The following TAF1B variants were observed in gnomAD, a reference collection of about 807,000 sequenced individuals.
The protein encoded by TAF1B is TATA box-binding protein-associated factor RNA polymerase I subunit B.
TAF1B carries 61 observed loss-of-function variants against 83.9 expected under a neutral mutation model. That is an observed-to-expected ratio of 0.73 (90% CI 0.59 to 0.90). TAF1B has a LOEUF of 0.90. TAF1B is among the 40% of genes least tolerant of loss of function. The pLI, the probability that TAF1B is intolerant of heterozygous loss-of-function variation, is 0.00. For missense variants in TAF1B, 625 were observed against 677.0 expected (o/e 0.92, Z 0.85); for synonymous variants, 221 against 224.6 (o/e 0.98, Z 0.14).
At chr2:9,875,754 CA>C (rs1664303630) in intron 6 of TAF1B, 110 bp from the exon 7 acceptor site, 9 of 1,193,438 alleles carry the variant, frequency 7.5e-6, no homozygotes, top group Admixed American at 2.3e-5. Flanking sequence ...TGGGTGAGGA[CA>C]CAGCCAAACC....
intron 8 of TAF1B, among the ~76,000 whole-genome samples, chr2:9,892,956 A>C (rs1664915295): frequency 6.6e-6 from 1 of 152,182 alleles, no homozygotes; most frequent in Non-Finnish European, 1.5e-5. Flanking sequence ...TTTTGAGTGA[A>C]GGGACAGGGT....
At chr2:9,924,866 A>G (rs1299107921) in intron 14 of TAF1B, among the ~76,000 whole-genome samples, 1 of 152,226 alleles carries the variant, frequency 6.6e-6, no homozygotes, top group Non-Finnish European at 1.5e-5. Flanking sequence ...TACTTCAGGT[A>G]TGGGAGGCTG....
At chr2:9,894,470 G>A (rs1664960009) in intron 8 of TAF1B, among the ~76,000 whole-genome samples, 1 of 152,084 alleles carries the variant, frequency 6.6e-6, no homozygotes, top group South Asian at 2.1e-4. Context: ...AAAAATAAGA[G>A]TTATGGGTGT....
At chr2:9,845,046 T>A (rs1663159065) in intron 1 of TAF1B, among the ~76,000 whole-genome samples, 174 bp from the exon 2 acceptor site, 1 of 152,174 alleles carries the variant, frequency 6.6e-6, no homozygotes, top group Non-Finnish European at 1.5e-5. Context: ...TTTAATTCGG[T>A]TTCATACCGC....
rs750976696 is a variant in TAF1B at position 9,851,572 on chromosome 2, T to A, written c.237T>A (p.Gly79=). The A allele has an allele frequency of 6.2e-7, 1 of 1,612,402 alleles. No homozygotes were observed. The highest frequency in any genetic ancestry group is 8.5e-7 in the Non-Finnish European group (1 of 1,179,476). ...GCTGGGATTGGTATGTGTGTGAAGG[T>A]TTCCAGTATATTCTTTATCAACAAG... ...EKGWDWYVCE[G]FQYILYQQAE... Residue 79 remains glycine, a synonymous_variant, in exon 4 of 15, where the codon GGT becomes GGA. Transcript: ENST00000263663.
Position 9,882,725 on chromosome 2 carries a change from A to G in TAF1B, c.727A>G (p.Ile243Val). ...DLLRFVEEDH[I>V]PYINAFQHFP... ...ATACAGGTTTGTTGAAGAGGACCAT[A>G]TTCCTTACATAAATGCTTTTCAGCA... The change falls in exon 8 of 15, where the codon ATT becomes GTT. Residue 243 changes from isoleucine (I) to valine (V), a missense_variant. Physicochemically the swap from Ile to Val is conservative, Grantham distance 29. Coordinates refer to ENST00000263663, the MANE Select transcript of TAF1B (RefSeq NM_005680.3). 1.2e-6 allele frequency: 2 copies of G among 1,610,786 alleles called. No homozygotes were observed. The highest frequency in any genetic ancestry group is 1.7e-6 in the Non-Finnish European group (2 of 1,178,490).
chr2:9,920,525 G>A (rs914876116), intron 14 of TAF1B, among the ~76,000 whole-genome samples: 6 of 144,420 alleles, frequency 4.2e-5, no homozygotes, highest in South Asian at 2.2e-4. Flanking sequence ...CAAAACAAGT[G>A]CCGTGTCCTC....
chr2:9,863,070 T>G (rs191421882), intron 5 of TAF1B, among the ~76,000 whole-genome samples: 8 of 152,308 alleles, frequency 5.3e-5, no homozygotes, highest in Admixed American at 3.3e-4. Flanking sequence ...AACATCATAA[T>G]GACAGGATCA....
At position 9,849,452 on chromosome 2, in the gene TAF1B, A is replaced by C. The variant is rs755182647; in HGVS notation, c.197A>C (p.Asn66Thr). The change falls in exon 3 of 15, where the codon AAC becomes ACC. Residue 66 changes from asparagine (N) to threonine (T), a missense_variant. Transcript: ENST00000263663. ...KALNRGLKKKNNTEKGWDWYV... is the reference protein window; with the variant it reads ...KALNRGLKKKTNTEKGWDWYV... ...CTCAACCGGGGGCTTAAAAAAAAAA[A>C]CAATACTGGTAAGTTCTTTCTTCAT... 1 of 1,553,370 alleles carries C rather than the reference A, an allele frequency of 6.4e-7. No individual in the cohort carries two copies. The highest frequency in any genetic ancestry group is 8.7e-7 in the Non-Finnish European group (1 of 1,150,462).
In TAF1B at chr2:9,854,389, A is replaced by G; in HGVS notation, c.367A>G (p.Asn123Asp). ...LQKSKQAYCKNPVYTTGRKPT... is the reference protein window; with the variant it reads ...LQKSKQAYCKDPVYTTGRKPT... ...GAAGAGCAAGCAGGCATATTGTAAG[A>G]ACCCAGTTTATACCACTGGAAGGAA... Residue 123 changes from asparagine to aspartate, a missense_variant, in exon 5 of 15, where the codon AAC becomes GAC. Asn to Asp is a conservative substitution (Grantham distance 23). Coordinates refer to ENST00000263663, the MANE Select transcript of TAF1B (RefSeq NM_005680.3). 1 of 1,614,098 alleles carries G rather than the reference A, an allele frequency of 6.2e-7. No homozygotes were observed. Among genetic ancestry groups the G allele is most frequent in the East Asian group, 2.2e-5 (1 of 44,858 alleles).
At chr2:9,901,589 T>C (rs1050132509) in intron 8 of TAF1B, among the ~76,000 whole-genome samples, 1 of 152,180 alleles carries the variant, frequency 6.6e-6, no homozygotes, top group Non-Finnish European at 1.5e-5. Context: ...TTTACTGCTC[T>C]AGTGTTTTGT....
chr2:9,883,068 TGA>T (rs1401857235), intron 8 of TAF1B, among the ~76,000 whole-genome samples: 3 of 152,206 alleles, frequency 2.0e-5, no homozygotes, highest in Non-Finnish European at 4.4e-5. Flanking sequence ...AGACTAAACT[TGA>T]GAACTTTTAT....
chr2:9,922,660 A>G (rs1665910938), intron 14 of TAF1B, among the ~76,000 whole-genome samples: 1 of 151,694 alleles, frequency 6.6e-6, no homozygotes, highest in Non-Finnish European at 1.5e-5. Context: ...TATTTTGCTT[A>G]TTTATCCATC....
intron 8 of TAF1B, among the ~76,000 whole-genome samples, chr2:9,902,576 TTCAC>T (rs201464066): frequency 1.3e-5 from 2 of 152,368 alleles, no homozygotes; most frequent in East Asian, 3.9e-4. Context: ...ATGTAGCACA[TTCAC>T]TTACTGAACA....
At position 9,904,940 on chromosome 2, in the gene TAF1B, A is replaced by G. The variant is rs1665297290; in HGVS notation, c.889A>G (p.Thr297Ala). The part of the protein sequence containing the change: ...FLDLPRFPDI[T>A]EDCYLHPNIL... ...AGATTTGCCTCGTTTTCCAGACATAACTGAAGACTGCTATCTTCATCCCAA... is the reference window on the plus strand; with the variant it reads ...AGATTTGCCTCGTTTTCCAGACATAGCTGAAGACTGCTATCTTCATCCCAA... The change falls in exon 9 of 15, where the codon ACT (threonine) becomes GCT (alanine). Residue 297 changes from threonine (T) to alanine (A), a missense_variant. Coordinates refer to ENST00000263663, the MANE Select transcript of TAF1B (RefSeq NM_005680.3). 1 of 1,612,462 alleles carries G rather than the reference A, an allele frequency of 6.2e-7. No individual in the cohort carries two copies. Among genetic ancestry groups the G allele is most frequent in the Non-Finnish European group, 8.5e-7 (1 of 1,178,512 alleles).
At chr2:9,851,300 C>T (rs1663382646) in intron 3 of TAF1B, among the ~76,000 whole-genome samples, 1 of 151,526 alleles carries the variant, frequency 6.6e-6, no homozygotes, top group Non-Finnish European at 1.5e-5. Context: ...GGAAATTATA[C>T]AAAATATTTA....
chr2:9,911,520 TA>T lies in TAF1B; in HGVS notation c.1145del (p.Asn382IlefsTer26), dbSNP rs1245088139. ...LDDSFEWSLSNLAEKHNEKNK... is the reference protein window; with the variant it reads ...LDDSFEWSLSXLAEKHNEKNK... Reference sequence around the variant, plus strand: ...TTATTGTTATCTCCAGGTCTTTGTCTAATCTTGCTGAAAAGCATAATGAAAA... The same window carrying T: ...TTATTGTTATCTCCAGGTCTTTGTCTATCTTGCTGAAAAGCATAATGAAAA... On this transcript the variant is annotated frameshift_variant, in exon 11 of 15. Coordinates refer to ENST00000263663, the MANE Select transcript of TAF1B (RefSeq NM_005680.3). LOFTEE classifies it high-confidence loss of function. 1 of 1,517,378 alleles carries T rather than the reference TA, an allele frequency of 6.6e-7. No individual in the cohort carries two copies. The highest frequency in any genetic ancestry group is 1.3e-5 in the South Asian group (1 of 79,540). The allele number at this position is 1,517,378 out of a possible 1,614,324, so 94.0% of individuals were successfully genotyped here. A position where few individuals can be genotyped will look rare whatever the true frequency, so the allele number is the denominator to read the frequency against.
At chr2:9,912,414 T>C (rs1665560385) in intron 11 of TAF1B, among the ~76,000 whole-genome samples, 2 of 152,224 alleles carry the variant, frequency 1.3e-5, no homozygotes. Flanking sequence ...TTTTAGAGGC[T>C]TGAATTTATT....
rs150357943 is a variant in TAF1B, at chr2:9,910,813, A to G, written c.1033A>G (p.Ile345Val). The change falls in exon 10 of 15, where the codon ATA (isoleucine) becomes GTA (valine). Residue 345 changes from isoleucine (I) to valine (V), a missense_variant. Coordinates refer to ENST00000263663, the MANE Select transcript of TAF1B (RefSeq NM_005680.3). ...GEVDFLTFDP[I>V]AKMAKTVKYD... The stretch of plus-strand genomic sequence containing the variant: ...AGTGGATTTTCTGACATTTGATCCT[A>G]TAGCTAAAATGGCAAAAACTGTTAA... 116 of 1,613,750 alleles carry G rather than the reference A, an allele frequency of 7.2e-5. No individual in the cohort carries two copies. The African/African-American group carries it at 1.0e-3, about 14-fold the overall frequency.
Sources: allele counts gnomAD v4.1 joint callset (sites outside exome capture counted in the v4.1 genomes callset), GRCh38; gene constraint gnomAD v4.1.1; transcripts MANE v1.5; gene names NCBI Gene and HGNC (gene_info 2026-07-23, HGNC 2026-07-21).